Variants in LYZL4 observed in about 807,000 individuals in gnomAD.
LYZL4 encodes the protein lysozyme-like protein 4.
LYZL4 carries 13 observed loss-of-function variants against 17.6 expected under a neutral mutation model. The ratio of observed to expected loss-of-function variants is 0.74; its 90% CI spans 0.48 to 1.18. The LOEUF (loss-of-function observed/expected upper bound fraction) is 1.18. Among genes scored for constraint, LYZL4 ranks in the 50% most tolerant of loss-of-function variants. The pLI, the probability that LYZL4 is intolerant of heterozygous loss-of-function variation, is 0.00. For missense variants in LYZL4, 174 were observed against 188.2 expected (o/e 0.92, Z 0.44); for synonymous variants, 64 against 67.7 (o/e 0.95, Z 0.27).
the LYZL4 span, among the ~76,000 whole-genome samples, chr3:42,367,770 C>T: frequency 5.1e-4 from 77 of 152,178 alleles, no homozygotes; most frequent in South Asian, 0.014. Flanking sequence ...GTACAGTGCT[C>T]GGGACAGGGT....
the LYZL4 span, among the ~76,000 whole-genome samples, chr3:42,377,755 T>C: frequency 2.6e-5 from 4 of 151,804 alleles, no homozygotes; most frequent in Admixed American, 1.3e-4. Context: ...CCCCAAGTCA[T>C]ACATGCCAAC....
the LYZL4 span, among the ~76,000 whole-genome samples, chr3:42,386,074 T>C: frequency 6.6e-6 from 1 of 151,822 alleles, no homozygotes; most frequent in African/African-American, 2.4e-5. Flanking sequence ...CCATCACATC[T>C]CCCCCCGACC....
the LYZL4 span, among the ~76,000 whole-genome samples, chr3:42,365,986 G>C: frequency 3.3e-5 from 5 of 152,000 alleles, no homozygotes; most frequent in African/African-American, 1.2e-4. Context: ...ATATCAACTG[G>C]GAAGATTTTA....
At chr3:42,377,625 C>CTCTG in the LYZL4 span, among the ~76,000 whole-genome samples, 381 of 143,774 alleles carry the variant, frequency 2.6e-3, 2 homozygotes, top group African/African-American at 5.0e-3. Context: ...GCATGACTCT[C>CTCTG]TGTGTGTGTG....
At chr3:42,375,294 CGTT>C in the LYZL4 span, among the ~76,000 whole-genome samples, 1 of 152,084 alleles carries the variant, frequency 6.6e-6, no homozygotes, top group African/African-American at 2.4e-5. Context: ...TCGATCTAAC[CGTT>C]GTTATTGTGA....
chr3:42,377,625 C>CTGTG, the LYZL4 span, among the ~76,000 whole-genome samples: 24,069 of 143,504 alleles, frequency 0.17, 2,078 homozygotes, highest in East Asian at 0.2. Context: ...GCATGACTCT[C>CTGTG]TGTGTGTGTG....
At chr3:42,381,723 C>T in the LYZL4 span, among the ~76,000 whole-genome samples, 2 of 152,162 alleles carry the variant, frequency 1.3e-5, no homozygotes, top group African/African-American at 4.8e-5. Context: ...TGCTAGGCCC[C>T]GTTTCACTGG....
downstream of LYZL4, among the ~76,000 whole-genome samples, chr3:42,393,590 C>A (rs1404225496): frequency 6.6e-6 from 1 of 152,158 alleles, no homozygotes; most frequent in Non-Finnish European, 1.5e-5. Context: ...AGTGGCAGAG[C>A]CAGGAACGAT....
the LYZL4 span, among the ~76,000 whole-genome samples, chr3:42,375,809 G>C: frequency 6.6e-6 from 1 of 152,174 alleles, no homozygotes. Context: ...GGCTCCACCA[G>C]CAGCAGCAGA....
chr3:42,367,147 G>A, the LYZL4 span, among the ~76,000 whole-genome samples: 1 of 152,100 alleles, frequency 6.6e-6, no homozygotes, highest in Non-Finnish European at 1.5e-5. Flanking sequence ...TGAAGCACCG[G>A]TTGCCTCGAT....
chr3:42,390,892 G>A, the LYZL4 span, among the ~76,000 whole-genome samples: 1 of 152,202 alleles, frequency 6.6e-6, no homozygotes, highest in Non-Finnish European at 1.5e-5. Flanking sequence ...AGAATAATTG[G>A]ACTGATAGTT....
the LYZL4 span, among the ~76,000 whole-genome samples, chr3:42,372,409 C>A: frequency 4.6e-5 from 7 of 152,212 alleles, no homozygotes; most frequent in Non-Finnish European, 1.0e-4. Flanking sequence ...AGAAAGAGGG[C>A]TGCCAGAGGC....
At chr3:42,372,170 G>C in the LYZL4 span, among the ~76,000 whole-genome samples, 5,208 of 152,298 alleles carry the variant, frequency 0.034, 140 homozygotes, top group Non-Finnish European at 0.052. Flanking sequence ...GAGAGACCCA[G>C]AGTGAAAAGA....
At chr3:42,385,611 C>T in the LYZL4 span, among the ~76,000 whole-genome samples, 90,980 of 151,752 alleles carry the variant, frequency 0.6, 28,375 homozygotes, top group East Asian at 0.83. Context: ...GAGATGATGC[C>T]ATTCACTCAG....
the LYZL4 span, among the ~76,000 whole-genome samples, chr3:42,369,612 G>A: frequency 6.6e-6 from 1 of 152,212 alleles, no homozygotes; most frequent in Admixed American, 6.5e-5. Context: ...AGGAACCCCA[G>A]GCTCTCGGAG....
the LYZL4 span, among the ~76,000 whole-genome samples, chr3:42,361,747 T>A: frequency 6.6e-6 from 1 of 152,022 alleles, no homozygotes; most frequent in African/African-American, 2.4e-5. Flanking sequence ...ATAAAATAAA[T>A]AATAGACTTT....
chr3:42,406,675 T>C (rs1323866695), intron 3 of LYZL4, among the ~76,000 whole-genome samples, 171 bp downstream of exon 3: 1 of 152,070 alleles, frequency 6.6e-6, no homozygotes, highest in Non-Finnish European at 1.5e-5. Flanking sequence ...CTGATCTCAC[T>C]GTACCCCCAG....
downstream of LYZL4, among the ~76,000 whole-genome samples, chr3:42,393,444 GC>G (rs1698515278): frequency 1.3e-5 from 2 of 152,146 alleles, no homozygotes; most frequent in Non-Finnish European, 2.9e-5. Flanking sequence ...CAGGCGAAGG[GC>G]CCAGAAATCA....
the LYZL4 span, among the ~76,000 whole-genome samples, chr3:42,375,419 C>G: frequency 3.9e-5 from 6 of 152,190 alleles, no homozygotes; most frequent in African/African-American, 1.4e-4. Context: ...CTAAGTTTGC[C>G]CAGTACACTG....
Sources: gnomAD v4.1 joint callset for allele counts (sites outside exome capture counted in the v4.1 genomes callset) on GRCh38, gnomAD v4.1.1 for gene constraint, MANE v1.5 for transcripts, NCBI Gene and HGNC (gene_info 2026-07-23, HGNC 2026-07-21) for gene names.